Variants in GRK5 observed in about 807,000 individuals in gnomAD.
GRK5 encodes the protein g protein-coupled receptor kinase GRK5.
In GRK5, 40 loss-of-function variants were observed where a neutral mutation model predicts 78.4. The observed-to-expected ratio is 0.51, with a 90% confidence interval of 0.40 to 0.66. GRK5 has a LOEUF of 0.66. Ranked by LOEUF, GRK5 falls within the 30% of genes least tolerant of loss-of-function variation. GRK5 has a pLI of 0.00. For synonymous variants in GRK5, 289 were observed against 296.8 expected, an observed-to-expected ratio of 0.97 and a Z score of 0.27; for missense variants, 598 against 759.9, an observed-to-expected ratio of 0.79 and a Z score of 2.50.
Position 119,455,418 on chromosome 10 carries a change from G to C in GRK5, c.*351G>C, listed in dbSNP as rs574098751. ...GAAAAGTTTTGTAAATTTCTCTACT[G>C]TCTCAGTTTACATTTTGTATATTTG... On this transcript the variant is annotated 3_prime_UTR_variant, in exon 16 of 16. Transcript: ENST00000392870. The C allele has an allele frequency of 6.4e-4, 290 of 452,130 alleles. 1 individual carries two copies. Among genetic ancestry groups the C allele is most frequent in the Non-Finnish European group, 5.5e-4 (131 of 239,920 alleles). The allele number at this position is 452,130 out of a possible 1,614,324, so 28.0% of individuals were successfully genotyped here.
At chr10:119,317,599 C>T (rs1317746115) in intron 1 of GRK5, among the ~76,000 whole-genome samples, 1 of 152,060 alleles carries the variant, frequency 6.6e-6, no homozygotes, top group Non-Finnish European at 1.5e-5. Flanking sequence ...CTGTGAGTGG[C>T]CCTATTAATG....
intron 2 of GRK5, among the ~76,000 whole-genome samples, chr10:119,369,390 C>T (rs564486149): frequency 1.3e-5 from 2 of 152,244 alleles, no homozygotes; most frequent in African/African-American, 2.4e-5. Context: ...TGCCCCGTCC[C>T]GGCTCACTGG....
At chr10:119,277,505 A>G (rs1289487868) in intron 1 of GRK5, among the ~76,000 whole-genome samples, 1 of 152,162 alleles carries the variant, frequency 6.6e-6, no homozygotes, top group Admixed American at 6.5e-5. Flanking sequence ...CACCCCTGCC[A>G]CAACAGACCT....
chr10:119,300,114 G>GT (rs1453556134), intron 1 of GRK5, among the ~76,000 whole-genome samples: 1 of 152,090 alleles, frequency 6.6e-6, no homozygotes, highest in Non-Finnish European at 1.5e-5. Context: ...AACTTAAAAT[G>GT]TTGTTCTCCC....
chr10:119,326,503 C>T lies in GRK5; in HGVS notation c.53-13C>T. On this transcript the variant is annotated splice_polypyrimidine_tract_variant and intron_variant, in intron 1 of 15. Transcript: ENST00000392870. Reference sequence around the variant, plus strand: ...GGAGCCTCAGCCAGGCATCTTTTTCCCCATCTCTGCAGGGGGCGGAGGAAA... The same window carrying T: ...GGAGCCTCAGCCAGGCATCTTTTTCTCCATCTCTGCAGGGGGCGGAGGAAA... The T allele has an allele frequency of 6.2e-7, 1 of 1,610,376 alleles. No individual in the cohort carries two copies. Among genetic ancestry groups the T allele is most frequent in the Non-Finnish European group, 8.5e-7 (1 of 1,176,810 alleles).
intron 1 of GRK5, among the ~76,000 whole-genome samples, chr10:119,234,245 GGTCACA>G (rs1682715978): frequency 6.6e-6 from 1 of 152,226 alleles, no homozygotes; most frequent in Non-Finnish European, 1.5e-5. Context: ...ACTTTCCCAA[GGTCACA>G]GTTGTTGATG....
intron 2 of GRK5, among the ~76,000 whole-genome samples, chr10:119,375,740 T>G (rs1644203514): frequency 6.6e-6 from 1 of 152,214 alleles, no homozygotes; most frequent in South Asian, 2.1e-4. Context: ...CCAGGCCAGC[T>G]GTGGGCATGC....
chr10:119,357,638 G>A (rs1851284258), intron 2 of GRK5, among the ~76,000 whole-genome samples: 1 of 152,212 alleles, frequency 6.6e-6, no homozygotes, highest in Admixed American at 6.5e-5. Flanking sequence ...TTCAACAATA[G>A]CAATAGCGGC....
chr10:119,414,915 C>T (rs181926743), intron 4 of GRK5, among the ~76,000 whole-genome samples: 96 of 151,988 alleles, frequency 6.3e-4, no homozygotes, highest in African/African-American at 2.3e-3. Flanking sequence ...AACACCGTCT[C>T]TACTAAAAAT....
chr10:119,427,473 C>CCAT (rs1169109611), intron 6 of GRK5, among the ~76,000 whole-genome samples: 4 of 150,284 alleles, frequency 2.7e-5, no homozygotes, highest in East Asian at 2.0e-4. Context: ...AGCATCACCA[C>CCAT]CATCATCAGC....
At chr10:119,319,400 G>C (rs1297723959) in intron 1 of GRK5, among the ~76,000 whole-genome samples, 1 of 152,198 alleles carries the variant, frequency 6.6e-6, no homozygotes, top group African/African-American at 2.4e-5. Context: ...AGGCCACCTT[G>C]GTCCTCTGGT....
intron 6 of GRK5, among the ~76,000 whole-genome samples, chr10:119,428,655 C>G (rs1852750546): frequency 6.6e-6 from 1 of 152,174 alleles, no homozygotes; most frequent in Non-Finnish European, 1.5e-5. Flanking sequence ...TCGGTGGTCA[C>G]TGGCTTTCCT....
chr10:119,254,324 G>A (rs1387269552), intron 1 of GRK5, among the ~76,000 whole-genome samples: 3 of 152,278 alleles, frequency 2.0e-5, no homozygotes, highest in South Asian at 2.1e-4. Flanking sequence ...TCAGAGAAGG[G>A]TTTGGTCTGT....
rs2133828313 is a variant in GRK5 at position 119,378,585 on chromosome 10, CG to C, written c.149-2229del. 6.6e-6 allele frequency among the ~76,000 whole-genome samples: 1 copy of C among 152,370 alleles called. No homozygotes were observed. Among genetic ancestry groups the C allele is most frequent in the East Asian group, 1.9e-4 (1 of 5,176 alleles). Reference sequence around the variant, plus strand: ...GAGGCAGACAGCGGAGTGCTGAGGCCGTGTCCCCGTGTGGTGAATAAATGCC... The same window carrying C: ...GAGGCAGACAGCGGAGTGCTGAGGCCTGTCCCCGTGTGGTGAATAAATGCC... On this transcript the variant is annotated intron_variant, in intron 2 of 15. Coordinates refer to ENST00000392870, the MANE Select transcript of GRK5 (RefSeq NM_005308.3). This position sits in a 1 kb window ranked among gnomAD's most constrained non-coding sequence, Gnocchi z 4.5.
chr10:119,354,989 A>G (rs1295119215), intron 2 of GRK5, among the ~76,000 whole-genome samples: 1 of 152,200 alleles, frequency 6.6e-6, no homozygotes, highest in Non-Finnish European at 1.5e-5. Flanking sequence ...AGTCCCTGAT[A>G]TAAAATAGTA....
chr10:119,287,017 T>C (rs1849858036), intron 1 of GRK5, among the ~76,000 whole-genome samples: 1 of 150,178 alleles, frequency 6.7e-6, no homozygotes, highest in African/African-American at 2.5e-5. Flanking sequence ...ACAGAGCACA[T>C]GCTCAATAAA....
chr10:119,453,113 C>T (rs376873764), intron 14 of GRK5, 32 bp from the exon 15 acceptor site: 6 of 1,380,406 alleles, frequency 4.3e-6, no homozygotes, highest in African/African-American at 1.4e-5. Context: ...CCCCAGTTGA[C>T]GGCCTGTGTT....
At chr10:119,360,892 G>C (rs764009835) in intron 2 of GRK5, among the ~76,000 whole-genome samples, 1 of 152,158 alleles carries the variant, frequency 6.6e-6, no homozygotes, top group African/African-American at 2.4e-5. Flanking sequence ...GCCTGTGGCC[G>C]CTGCTTCTCT....
Position 119,379,309 on chromosome 10 carries a change from G to T in GRK5, c.149-1506G>T, listed in dbSNP as rs1810161221. On this transcript the variant is annotated intron_variant, in intron 2 of 15. Transcript: ENST00000392870. The surrounding 1 kb of genome is among the most constrained non-coding windows in gnomAD (Gnocchi z 4.1). ...AAGCCTGTTGCCCCAGGTTACACAG[G>T]CAGTGAGCGATGGGCTGGGATTCAA... is the stretch of plus-strand genomic sequence containing the variant. Among the ~76,000 whole-genome samples, 1 of 152,082 alleles carries T rather than the reference G, an allele frequency of 6.6e-6. No individual in the cohort carries two copies. The highest frequency in any genetic ancestry group is 2.4e-5 in the African/African-American group (1 of 41,382).
Sources: allele counts gnomAD v4.1 joint callset (sites outside exome capture counted in the v4.1 genomes callset), GRCh38; gene constraint gnomAD v4.1.1; non-coding constraint Gnocchi (gnomAD v3.1); transcripts MANE v1.5; gene names NCBI Gene and HGNC (gene_info 2026-07-23, HGNC 2026-07-21).